Variants in THSD7B observed in about 807,000 individuals in gnomAD.
The protein encoded by THSD7B is thrombospondin type 1 domain containing 7B.
Under a neutral mutation model 213.6 loss-of-function variants are expected in THSD7B, and 138 were observed. The observed-to-expected ratio is 0.65, with a 90% CI of 0.56 to 0.74. The LOEUF (loss-of-function observed/expected upper bound fraction) is 0.74, where lower values mean the gene tolerates loss of function less well. Ranked by LOEUF, THSD7B falls within the 30% of genes least tolerant of loss-of-function variation. The pLI, the probability that THSD7B is intolerant of heterozygous loss-of-function variation, is 0.00. For missense variants in THSD7B, 1,931 were observed against 1,991.5 expected (o/e 0.97, Z 0.58); for synonymous variants, 742 against 687.0 (o/e 1.08, Z -1.25).
chr2:137,184,824 T>C (rs1223303355), intron 7 of THSD7B, among the ~76,000 whole-genome samples: 1 of 152,154 alleles, frequency 6.6e-6, no homozygotes, highest in Non-Finnish European at 1.5e-5. Context: ...AAGGCATAGA[T>C]GGGCCAAAAC....
chr2:137,256,536 G>C (rs1446751958), intron 10 of THSD7B, among the ~76,000 whole-genome samples: 1 of 152,182 alleles, frequency 6.6e-6, no homozygotes, highest in Non-Finnish European at 1.5e-5. Flanking sequence ...GGTGGCTAAT[G>C]ATGCTTGGGA....
chr2:137,486,910 A>C (rs565427859), intron 15 of THSD7B, among the ~76,000 whole-genome samples: 5 of 152,284 alleles, frequency 3.3e-5, no homozygotes, highest in East Asian at 3.9e-4. Flanking sequence ...AAATAACGAA[A>C]TGAAGGCAGA....
At chr2:136,983,383 A>ACTCT (rs879701692) in intron 2 of THSD7B, among the ~76,000 whole-genome samples, 1,977 of 147,704 alleles carry the variant, frequency 0.013, 59 homozygotes, top group African/African-American at 0.044. Context: ...ACACACACTC[A>ACTCT]CTCTCTCTCT....
intron 12 of THSD7B, among the ~76,000 whole-genome samples, chr2:137,276,322 T>TC (rs1157015080): frequency 6.6e-6 from 1 of 151,942 alleles, no homozygotes; most frequent in African/African-American, 2.4e-5. Flanking sequence ...TATTACCTAA[T>TC]ATCTGTGAAT....
chr2:137,166,269 G>T (rs906006966), intron 6 of THSD7B, among the ~76,000 whole-genome samples: 1 of 152,042 alleles, frequency 6.6e-6, no homozygotes, highest in African/African-American at 2.4e-5. Context: ...ATCATTTATT[G>T]CTTTGTCTTT....
chr2:136,790,974 T>A (rs1681955882), intron 1 of THSD7B, among the ~76,000 whole-genome samples: 1 of 152,064 alleles, frequency 6.6e-6, no homozygotes, highest in Admixed American at 6.6e-5. Flanking sequence ...TGTAGACCAG[T>A]GTGCCAGCTA....
At chr2:137,293,637 T>C (rs1683391174) in intron 12 of THSD7B, among the ~76,000 whole-genome samples, 1 of 152,142 alleles carries the variant, frequency 6.6e-6, no homozygotes, top group African/African-American at 2.4e-5. Context: ...TCCAATATTC[T>C]GTATCGAACA....
chr2:137,015,858 A>G (rs1686329774), intron 2 of THSD7B, among the ~76,000 whole-genome samples: 1 of 152,140 alleles, frequency 6.6e-6, no homozygotes, highest in South Asian at 2.1e-4. Flanking sequence ...CAGAACCTGA[A>G]CCGGTGGCAC....
intron 1 of THSD7B, among the ~76,000 whole-genome samples, chr2:136,865,074 G>T (rs1189215191): frequency 2.0e-5 from 3 of 152,170 alleles, no homozygotes; most frequent in Non-Finnish European, 4.4e-5. Flanking sequence ...TATTTCTGGA[G>T]CAGTTGTTGC....
At chr2:136,865,805 C>T (rs1683322526) in intron 1 of THSD7B, among the ~76,000 whole-genome samples, 2 of 152,188 alleles carry the variant, frequency 1.3e-5, no homozygotes, top group South Asian at 2.1e-4. Flanking sequence ...GATCCTCTAT[C>T]ATAATCTCTC....
intron 1 of THSD7B, among the ~76,000 whole-genome samples, chr2:136,844,490 G>GAGACAGAGAGAC (rs1553452622): frequency 6.7e-6 from 1 of 149,486 alleles, no homozygotes; most frequent in African/African-American, 2.5e-5. Flanking sequence ...GAGAGAGAGA[G>GAGACAGAGAGAC]AGAGACAGAG....
chr2:137,271,421 A>ATATATGGCTTC (rs1189900871), intron 10 of THSD7B, among the ~76,000 whole-genome samples: 1 of 138,744 alleles, frequency 7.2e-6, no homozygotes, highest in Admixed American at 7.3e-5. Context: ...TATAATATAT[A>ATATATGGCTTC]ATTATATAAT....
At chr2:137,338,603 T>C (rs1228027852) in intron 12 of THSD7B, among the ~76,000 whole-genome samples, 1 of 152,090 alleles carries the variant, frequency 6.6e-6, no homozygotes, top group Non-Finnish European at 1.5e-5. Context: ...AATTATAAAG[T>C]AATAAAAATT....
intron 6 of THSD7B, among the ~76,000 whole-genome samples, chr2:137,166,804 T>G (rs191309253): frequency 2.6e-5 from 4 of 152,360 alleles, no homozygotes; most frequent in African/African-American, 9.6e-5. Flanking sequence ...CATTTTGCTT[T>G]CTCATAGATA....
At chr2:137,631,354 T>C (rs1573754503) in intron 20 of THSD7B, among the ~76,000 whole-genome samples, 1 of 152,188 alleles carries the variant, frequency 6.6e-6, no homozygotes, top group South Asian at 2.1e-4. Context: ...TTATTCATAA[T>C]TATTTAACTG....
chr2:137,546,598 C>A (rs538280567), intron 15 of THSD7B, among the ~76,000 whole-genome samples: 22 of 137,358 alleles, frequency 1.6e-4, no homozygotes, highest in Non-Finnish European at 3.2e-4. Context: ...TTTGGGGATA[C>A]TGGGGTTTTT....
At chr2:137,479,466 C>G (rs1335372119) in intron 15 of THSD7B, 1 of 407,492 alleles carries the variant, frequency 2.5e-6, no homozygotes, top group Non-Finnish European at 5.0e-6. Flanking sequence ...ATCTTCAGGT[C>G]CCTGTCAGAA....
intron 2 of THSD7B, among the ~76,000 whole-genome samples, chr2:137,044,543 G>T (rs1234664026): frequency 6.6e-6 from 1 of 152,074 alleles, no homozygotes; most frequent in Admixed American, 6.6e-5. Flanking sequence ...ACTGTGACTA[G>T]TACAGAACCC....
intron 6 of THSD7B, among the ~76,000 whole-genome samples, chr2:137,165,075 G>A (rs1339247262): frequency 6.6e-6 from 1 of 152,152 alleles, no homozygotes; most frequent in African/African-American, 2.4e-5. Context: ...AGAGGATGGA[G>A]GCAGTAGAAC....
Sources: gnomAD v4.1 joint callset for allele counts (sites outside exome capture counted in the v4.1 genomes callset) on GRCh38, gnomAD v4.1.1 for gene constraint, MANE v1.5 for transcripts, NCBI Gene and HGNC (gene_info 2026-07-23, HGNC 2026-07-21) for gene names.